The following NAALAD2 variants were observed in gnomAD, a reference collection of about 807,000 sequenced individuals.
NAALAD2 encodes the protein N-acetylated alpha-linked acidic dipeptidase 2, also known as N-acetylated-alpha-linked acidic dipeptidase 2.
NAALAD2 carries 89 observed loss-of-function variants against 95.6 expected under a neutral mutation model. The ratio of observed to expected loss-of-function variants is 0.93; its 90% CI spans 0.78 to 1.11. The LOEUF (loss-of-function observed/expected upper bound fraction) is 1.11. Among genes scored for constraint, NAALAD2 ranks in the 50% least tolerant of loss-of-function variants. The probability of loss-of-function intolerance (pLI) is 0.00; values close to 1 mark genes in which losing one functional copy is unlikely to be tolerated. For synonymous variants in NAALAD2, 264 were observed against 294.4 expected (o/e 0.90, Z 1.06); for missense variants, 894 against 872.4 (o/e 1.02, Z -0.31).
At chr11:90,148,722 TC>T (rs1238666394) in intron 3 of NAALAD2, among the ~76,000 whole-genome samples, 2 of 116,484 alleles carry the variant, frequency 1.7e-5, no homozygotes, top group Non-Finnish European at 3.4e-5. Flanking sequence ...AAAGGCATAG[TC>T]AAAAAAAAGA....
rs1590948156 is a variant in NAALAD2, at chr11:90,134,980, T to C, written c.82+140T>C. ...GGCTAGATATGATAAACTCTGCACA[T>C]TTCAGCAAAACTAGAAACCAGATGG... On this transcript the variant is annotated intron_variant, in intron 1 of 18. Coordinates refer to ENST00000534061, the MANE Select transcript of NAALAD2 (RefSeq NM_005467.4). 4.9e-6 allele frequency: 4 copies of C among 817,260 alleles called. No individual in the cohort carries two copies. In the East Asian group the frequency reaches 1.0e-4, roughly 21 times the overall value. 50.6% of individuals were successfully genotyped at this position (817,260 alleles called of 1,614,324 possible). A position where few individuals can be genotyped will look rare whatever the true frequency, so the allele number is the denominator to read the frequency against.
intron 17 of NAALAD2, among the ~76,000 whole-genome samples, chr11:90,182,376 C>T (rs577976758): frequency 7.2e-5 from 11 of 152,136 alleles, no homozygotes; most frequent in African/African-American, 2.6e-4. Context: ...TTTAAGGGAC[C>T]TCATTCTCCT....
intron 3 of NAALAD2, 51 bp downstream of exon 3, chr11:90,147,567 G>A: frequency 3.3e-6 from 5 of 1,494,192 alleles, no homozygotes; most frequent in Non-Finnish European, 4.6e-6. Flanking sequence ...ACCGTTTTAT[G>A]TGGATTGTAA....
At chr11:90,181,581 T>C (rs1952969125) in intron 16 of NAALAD2, 39 bp from the exon 17 acceptor site, 3 of 1,393,756 alleles carry the variant, frequency 2.2e-6, no homozygotes, top group South Asian at 1.2e-5. Flanking sequence ...CTCTGAAATA[T>C]GAGCTAATTT....
intron 6 of NAALAD2, 73 bp downstream of exon 6, chr11:90,152,557 G>T (rs1951918679): frequency 1.7e-5 from 20 of 1,187,956 alleles, no homozygotes; most frequent in Non-Finnish European, 2.2e-5. Context: ...ATACAAGCAA[G>T]CATGTTCAGA....
At chr11:90,184,696 C>G (rs563128862) in intron 18 of NAALAD2, among the ~76,000 whole-genome samples, 2 of 151,986 alleles carry the variant, frequency 1.3e-5, no homozygotes, top group African/African-American at 4.8e-5. Flanking sequence ...CAGCATTCCC[C>G]CCTTGCCCCC....
Position 90,191,740 on chromosome 11 carries a change from T to G in NAALAD2, c.2216T>G (p.Val739Gly), listed in dbSNP as rs1462515999. 6.4e-7 allele frequency: 1 copy of G among 1,570,218 alleles called. No homozygotes were observed. Among genetic ancestry groups the G allele is most frequent in the South Asian group, 1.2e-5 (1 of 81,336 alleles). The change falls in exon 19 of 19, where the codon GTA becomes GGA. Residue 739 changes from valine (V) to glycine (G), a missense_variant. Coordinates refer to ENST00000534061, the MANE Select transcript of NAALAD2 (RefSeq NM_005467.4). Reference sequence around the variant, plus strand: ...GCAGCAGCAGGAACTCTGAAAGAAGTATTATAGAAGGTCTCAAGTGGCTAG... The same window carrying G: ...GCAGCAGCAGGAACTCTGAAAGAAGGATTATAGAAGGTCTCAAGTGGCTAG... ...IQAAAGTLKEVL is the reference protein window; with the variant it reads ...IQAAAGTLKEGL
intron 17 of NAALAD2, 132 bp from the exon 18 acceptor site, chr11:90,182,784 G>A: frequency 1.6e-6 from 1 of 608,978 alleles, no homozygotes. Context: ...GCATTACTGT[G>A]TTAATATTCA....
At chr11:90,163,998 G>T (rs1952369848) in intron 11 of NAALAD2, 1 of 351,168 alleles carries the variant, frequency 2.8e-6, no homozygotes, top group Non-Finnish European at 5.1e-6. Flanking sequence ...AGTTTCTTTA[G>T]AGTTCTTCCA....
At chr11:90,190,304 A>T (rs1452659073) in intron 18 of NAALAD2, among the ~76,000 whole-genome samples, 1 of 152,170 alleles carries the variant, frequency 6.6e-6, no homozygotes, top group African/African-American at 2.4e-5. Flanking sequence ...AGTTGATAGT[A>T]TTCTGTTGAT....
chr11:90,155,372 AT>A, intron 6 of NAALAD2, among the ~76,000 whole-genome samples: 1 of 78,030 alleles, frequency 1.3e-5, no homozygotes, highest in African/African-American at 6.0e-5. Context: ...AATATGTAAT[AT>A]TACATATTAT....
intron 18 of NAALAD2, among the ~76,000 whole-genome samples, chr11:90,185,874 T>TA (rs1555128761): frequency 2.7e-5 from 3 of 111,156 alleles, no homozygotes; most frequent in Non-Finnish European, 6.6e-5. Context: ...TTTTTTTTTT[T>TA]ATATACATTT....
chr11:90,133,536 A>C (rs7109907), upstream of NAALAD2, among the ~76,000 whole-genome samples: 67,999 of 151,706 alleles, frequency 0.45, 16,214 homozygotes, highest in African/African-American at 0.61. Context: ...ATAACATAGC[A>C]TAAGGGAATC....
chr11:90,146,041 G>A (rs1951742636), intron 2 of NAALAD2, among the ~76,000 whole-genome samples: 4 of 152,054 alleles, frequency 2.6e-5, no homozygotes, highest in Admixed American at 2.0e-4. Flanking sequence ...TCTCAGGATC[G>A]GGTAACTACA....
Position 90,147,454 on chromosome 11 carries a change from T to C in NAALAD2, c.319T>C (p.Leu107=). The C allele has an allele frequency of 6.2e-7, 1 of 1,613,916 alleles. No homozygotes were observed. The highest frequency in any genetic ancestry group is 1.3e-5 in the African/African-American group (1 of 75,050). ...CAAGTTGGTTCATTATGATGTCCTC[T>C]TATCTTACCCCAATGAGACAAATGC... ...SAKLVHYDVL[L]SYPNETNANY... is the part of the protein sequence containing the mutation. Residue 107 remains leucine, a synonymous_variant, in exon 3 of 19, where the codon TTA becomes CTA. Transcript: ENST00000534061.
At chr11:90,174,819 C>G (rs1314255712) in intron 14 of NAALAD2, among the ~76,000 whole-genome samples, 3 of 151,922 alleles carry the variant, frequency 2.0e-5, no homozygotes, top group Admixed American at 1.3e-4. Context: ...CTGAGCATTC[C>G]TAACTCAAAA....
rs1326998811 is a variant in NAALAD2 at position 90,152,437 on chromosome 11, A to G, written c.749A>G (p.Asn250Ser). 6.2e-7 allele frequency: 1 copy of G among 1,613,840 alleles called. No individual in the cohort carries two copies. The highest frequency in any genetic ancestry group is 8.5e-7 in the Non-Finnish European group (1 of 1,179,816). Reference sequence around the variant, plus strand: ...GCAGCCCAGAGAGGAAATGTGTTAAATTTGAATGGTGCTGGTGACCCACTC... The same window carrying G: ...GCAGCCCAGAGAGGAAATGTGTTAAGTTTGAATGGTGCTGGTGACCCACTC... Reference protein sequence around the residue: ...GTAAQRGNVLNLNGAGDPLTP... With the variant: ...GTAAQRGNVLSLNGAGDPLTP... The change falls in exon 6 of 19, where the codon AAT becomes AGT. Residue 250 changes from asparagine (N) to serine (S), a missense_variant. Coordinates refer to ENST00000534061, the MANE Select transcript of NAALAD2 (RefSeq NM_005467.4).
intron 13 of NAALAD2, among the ~76,000 whole-genome samples, chr11:90,171,852 G>T (rs1351746410): frequency 6.6e-6 from 1 of 152,010 alleles, no homozygotes; most frequent in Non-Finnish European, 1.5e-5. Flanking sequence ...TAAGAGGAGG[G>T]CTATCAATTC....
intron 8 of NAALAD2, among the ~76,000 whole-genome samples, chr11:90,160,032 A>C (rs1345965412): frequency 1.3e-5 from 2 of 152,096 alleles, no homozygotes; most frequent in East Asian, 3.9e-4. Flanking sequence ...CAAAATGTAT[A>C]GATCACTTAC....
Sources: gnomAD v4.1 joint callset for allele counts (sites outside exome capture counted in the v4.1 genomes callset) on GRCh38, gnomAD v4.1.1 for gene constraint, MANE v1.5 for transcripts, NCBI Gene and HGNC (gene_info 2026-07-23, HGNC 2026-07-21) for gene names.